Variants in ANO3 observed in about 807,000 individuals in gnomAD.
ANO3 encodes the protein anoctamin-3.
In ANO3, 99 loss-of-function variants were observed where a neutral mutation model predicts 144.8. The ratio of observed to expected loss-of-function variants is 0.68; its 90% CI spans 0.58 to 0.81. ANO3 has a LOEUF of 0.81. ANO3 is among the 30% of genes least tolerant of loss of function. The pLI is 0.00. For synonymous variants in ANO3, 414 were observed against 392.6 expected, an observed-to-expected ratio of 1.05 and a Z score of -0.64; for missense variants, 905 against 1,202.2, an observed-to-expected ratio of 0.75 and a Z score of 3.66.
At chr11:26,414,758 T>TAAA (rs971800105) in intron 1 of ANO3, among the ~76,000 whole-genome samples, 2 of 140,008 alleles carry the variant, frequency 1.4e-5, no homozygotes, top group African/African-American at 5.3e-5. Context: ...ACAGTAAAGT[T>TAAA]AAAAAAAAAA....
At chr11:26,628,410 A>T (rs1488908046) in intron 18 of ANO3, among the ~76,000 whole-genome samples, 2 of 152,194 alleles carry the variant, frequency 1.3e-5, no homozygotes, top group Middle Eastern at 3.2e-3. Flanking sequence ...TTTCATCCGT[A>T]ATTAGCTTCA....
At chr11:26,406,398 G>A (rs2133980135) in intron 1 of ANO3, among the ~76,000 whole-genome samples, 1 of 151,884 alleles carries the variant, frequency 6.6e-6, no homozygotes, top group South Asian at 2.1e-4. Context: ...TTTTGGAGGG[G>A]ACACCATCAT....
chr11:26,264,646 A>G (rs1853267188), intron 1 of ANO3, among the ~76,000 whole-genome samples: 1 of 152,156 alleles, frequency 6.6e-6, no homozygotes, highest in Non-Finnish European at 1.5e-5. Flanking sequence ...ATTTTCCCTC[A>G]GTCCTGGAGA....
intron 1 of ANO3, among the ~76,000 whole-genome samples, chr11:26,258,960 A>C (rs778722485): frequency 1.5e-4 from 23 of 152,230 alleles, no homozygotes; most frequent in Non-Finnish European, 3.2e-4. Flanking sequence ...CTGTTTCTCC[A>C]CAGTGACATA....
At chr11:26,627,841 G>GTGTA (rs1554981561) in intron 18 of ANO3, among the ~76,000 whole-genome samples, 8,747 of 144,098 alleles carry the variant, frequency 0.061, 364 homozygotes, top group African/African-American at 0.093. Flanking sequence ...GTGTGTGTGT[G>GTGTA]TGTGTGTGTG....
intron 1 of ANO3, among the ~76,000 whole-genome samples, chr11:26,191,473 G>T (rs987135980): frequency 1.3e-5 from 2 of 151,854 alleles, no homozygotes; most frequent in African/African-American, 4.8e-5. Flanking sequence ...ACCTTCTCCA[G>T]ATTTTTCATA....
At chr11:26,294,952 G>T (rs1205076550) in intron 1 of ANO3, among the ~76,000 whole-genome samples, 1 of 151,938 alleles carries the variant, frequency 6.6e-6, no homozygotes, top group Non-Finnish European at 1.5e-5. Flanking sequence ...AGGCTGGAGT[G>T]CAGTGGCATG....
At chr11:26,558,821 G>C (rs922157998) in intron 13 of ANO3, among the ~76,000 whole-genome samples, 7 of 152,032 alleles carry the variant, frequency 4.6e-5, no homozygotes, top group African/African-American at 1.7e-4. Flanking sequence ...GAACAAGGAG[G>C]ACACCATTCC....
chr11:26,618,953 T>C (rs1852337128), intron 17 of ANO3, among the ~76,000 whole-genome samples: 1 of 152,216 alleles, frequency 6.6e-6, no homozygotes, highest in African/African-American at 2.4e-5. Flanking sequence ...GACATGTCAA[T>C]TATTCCTCCA....
In ANO3 at chr11:26,370,611, A is replaced by G. The variant is rs144260340; in HGVS notation, c.46+38290A>G. Among the ~76,000 whole-genome samples, 914 of 152,302 alleles carry G rather than the reference A, an allele frequency of 6.0e-3. 8 individuals carry two copies. The highest frequency in any genetic ancestry group is 0.021 in the African/African-American group (858 of 41,574). ...AAACTTCTTAAAACTTGGAGGGCTC[A>G]AAGGACAGGAAGATGTGGGAACGTT... On this transcript the variant is annotated intron_variant, in intron 1 of 26. Coordinates refer to ENST00000256737, the MANE Select transcript of ANO3 (RefSeq NM_031418.4).
rs199988410 is a variant in ANO3 at position 26,205,856 on chromosome 11, G to T, written c.154+16526G>T. 3.3e-5 allele frequency among the ~76,000 whole-genome samples: 5 copies of T among 152,174 alleles called. No homozygotes were observed. In the East Asian group the frequency reaches 9.6e-4, roughly 29 times the overall value. ...TGTCCTCTAATGGTCTTTTTATACC[G>T]GCACATGTTAAAAGAAAATACAAAA... On this transcript the variant is annotated intron_variant, in intron 1 of 27. Coordinates refer to the ANO3 transcript ENST00000672621.
chr11:26,534,624 G>GT (rs543732699), intron 9 of ANO3, 62 bp downstream of exon 9: 36,500 of 1,182,898 alleles, frequency 0.031, 730 homozygotes, highest in Non-Finnish European at 0.038. Flanking sequence ...CAGAATTATT[G>GT]TTTTTTTTAA....
intron 3 of ANO3, among the ~76,000 whole-genome samples, chr11:26,447,812 G>T (rs1438463561): frequency 1.3e-5 from 2 of 152,130 alleles, no homozygotes; most frequent in East Asian, 3.9e-4. Flanking sequence ...GCTGACCCTT[G>T]TAGCAGTGAA....
chr11:26,490,470 G>A (rs1860659886), intron 4 of ANO3, among the ~76,000 whole-genome samples: 2 of 152,154 alleles, frequency 1.3e-5, no homozygotes, highest in Non-Finnish European at 2.9e-5. Context: ...AAAATACAGA[G>A]TTATAGCTTT....
At chr11:26,473,304 T>A (rs142392341) in intron 4 of ANO3, among the ~76,000 whole-genome samples, 104 of 152,052 alleles carry the variant, frequency 6.8e-4, no homozygotes, top group Middle Eastern at 3.4e-3. Flanking sequence ...TTGCATCTCT[T>A]ATGTGGATGT....
In ANO3 at chr11:26,582,143, C is replaced by G. The variant is rs113076849; in HGVS notation, c.1448-16222C>G. ...CTTTCAAACCCAGAACATCCCTACT[C>G]TAATCCATGGTCTTTGTTCAGTACC... On this transcript the variant is annotated intron_variant, in intron 14 of 26. Transcript: ENST00000256737. 2.4e-4 allele frequency among the ~76,000 whole-genome samples: 37 copies of G among 152,316 alleles called. 2 individuals carry two copies. The highest frequency in any genetic ancestry group is 8.7e-4 in the African/African-American group (36 of 41,582).
chr11:26,615,867 T>C (rs1234079016), intron 17 of ANO3, among the ~76,000 whole-genome samples: 1 of 152,216 alleles, frequency 6.6e-6, no homozygotes, highest in African/African-American at 2.4e-5. Context: ...CATTGATTGG[T>C]GTTCACTTTT....
intron 1 of ANO3, among the ~76,000 whole-genome samples, chr11:26,249,661 C>A (rs1852881718): frequency 6.6e-6 from 1 of 151,918 alleles, no homozygotes; most frequent in Non-Finnish European, 1.5e-5. Flanking sequence ...TTTGATACTA[C>A]AAACTCTGTT....
chr11:26,270,589 C>T (rs576267683), intron 1 of ANO3, among the ~76,000 whole-genome samples: 1 of 152,006 alleles, frequency 6.6e-6, no homozygotes, highest in Non-Finnish European at 1.5e-5. Flanking sequence ...TCTCAAAGCA[C>T]CAGGAAATAG....
Sources: allele counts gnomAD v4.1 joint callset (sites outside exome capture counted in the v4.1 genomes callset), GRCh38; gene constraint gnomAD v4.1.1; transcripts MANE v1.5; gene names NCBI Gene and HGNC (gene_info 2026-07-23, HGNC 2026-07-21).